The following TYW1 variants were observed in gnomAD, a reference collection of about 807,000 sequenced individuals.
The protein encoded by TYW1 is S-adenosyl-L-methionine-dependent tRNA 4-demethylwyosine synthase TYW1.
TYW1 carries 46 observed loss-of-function variants against 96.2 expected under a neutral mutation model. That is an observed-to-expected ratio of 0.48 (90% CI 0.38 to 0.61). The LOEUF (loss-of-function observed/expected upper bound fraction) is 0.61. Among genes scored for constraint, TYW1 ranks in the 20% least tolerant of loss-of-function variants. The pLI, the probability that TYW1 is intolerant of heterozygous loss-of-function variation, is 0.00. For missense variants in TYW1, 684 were observed against 909.6 expected, an observed-to-expected ratio of 0.75 and a Z score of 3.19; for synonymous variants, 274 against 323.0, an observed-to-expected ratio of 0.85 and a Z score of 1.63.
intron 15 of TYW1, among the ~76,000 whole-genome samples, chr7:67,211,732 T>C: frequency 6.6e-6 from 1 of 152,214 alleles, no homozygotes. Flanking sequence ...AGCCATCCAT[T>C]TACTTCACTA....
intron 7 of TYW1, among the ~76,000 whole-genome samples, chr7:67,041,142 A>C (rs974071018): frequency 1.3e-5 from 2 of 152,198 alleles, no homozygotes; most frequent in African/African-American, 4.8e-5. Context: ...TTGGTATGAC[A>C]CAAAATAAGC....
chr7:67,120,517 T>C (rs11760968), intron 13 of TYW1, among the ~76,000 whole-genome samples: 42,028 of 152,134 alleles, frequency 0.28, 6,640 homozygotes, highest in African/African-American at 0.43. Flanking sequence ...AAATCCATGC[T>C]TTCTTTGGTT....
intron 10 of TYW1, among the ~76,000 whole-genome samples, chr7:67,068,407 C>T (rs540750374): frequency 1.3e-5 from 2 of 152,310 alleles, no homozygotes; most frequent in East Asian, 3.9e-4. Context: ...CATAGCAGCT[C>T]ATGTTGTTGT....
intron 13 of TYW1, among the ~76,000 whole-genome samples, chr7:67,158,440 C>T (rs1236581096): frequency 3.9e-5 from 6 of 151,944 alleles, no homozygotes; most frequent in Non-Finnish European, 8.8e-5. Context: ...TGCTTTTCAT[C>T]GTCAATTGAT....
At chr7:67,087,377 G>C (rs1213516087) in intron 11 of TYW1, among the ~76,000 whole-genome samples, 1 of 152,102 alleles carries the variant, frequency 6.6e-6, no homozygotes, top group East Asian at 1.9e-4. Context: ...GAAAACAAAA[G>C]AGTTTTAAAA....
In TYW1 at chr7:67,050,051, G is replaced by T; in HGVS notation, c.1087G>T (p.Ala363Ser). ...TATGATAACTCCTGCTCTCCGAGAA[G>T]CCCTTACTAAACAAGGTGAAAATCT... ...RAMITPALRE[A>S]LTKQGYQLIG... is the part of the protein sequence containing the mutation. The change falls in exon 8 of 16, where the codon GCC (alanine) becomes TCC (serine). Residue 363 changes from alanine to serine, a missense_variant. Ala to Ser is a moderately conservative substitution (Grantham distance 99). Transcript: ENST00000359626. 6.2e-7 allele frequency: 1 copy of T among 1,613,438 alleles called. No homozygotes were observed.
intron 13 of TYW1, among the ~76,000 whole-genome samples, chr7:67,148,955 A>T (rs1798701294): frequency 6.6e-6 from 1 of 152,212 alleles, no homozygotes; most frequent in South Asian, 2.1e-4. Context: ...ATTTAAAATG[A>T]TTGTGACCCA....
chr7:67,050,554 A>C lies in TYW1; in HGVS notation c.1102+488A>C, dbSNP rs548539850. Among the ~76,000 whole-genome samples the C allele has an allele frequency of 1.1e-4, 17 of 152,228 alleles. No homozygotes were observed. In the South Asian group the frequency reaches 3.1e-3, roughly 28 times the overall value. ...CCCTCCCCACTTCCCCTCTATATTT[A>C]TGAGAGGCCTTTTATGTGACCGTTC... On this transcript the variant is annotated intron_variant, in intron 8 of 15. Coordinates refer to ENST00000359626, the MANE Select transcript of TYW1 (RefSeq NM_018264.4).
At position 67,089,324 on chromosome 7, in the gene TYW1, G is replaced by A. The variant is rs578004556; in HGVS notation, c.1384+5785G>A. Reference sequence around the variant, plus strand: ...CCCAGGCTCCTCTGCCTTTTGGGAGGGCCCTTCTCGAGGTGGCGGCCCTGT... The same window carrying A: ...CCCAGGCTCCTCTGCCTTTTGGGAGAGCCCTTCTCGAGGTGGCGGCCCTGT... On this transcript the variant is annotated intron_variant, in intron 11 of 15. Coordinates refer to ENST00000359626, the MANE Select transcript of TYW1 (RefSeq NM_018264.4). The A allele has an allele frequency of 5.4e-6, 7 of 1,307,876 alleles. No individual in the cohort carries two copies. The African/African-American group carries it at 1.0e-4, about 19-fold the overall frequency. 81.0% of individuals were successfully genotyped at this position (1,307,876 alleles called of 1,614,324 possible).
intron 4 of TYW1, among the ~76,000 whole-genome samples, chr7:67,012,819 G>A (rs1331231130): frequency 6.6e-6 from 1 of 151,710 alleles, no homozygotes; most frequent in East Asian, 1.9e-4. Flanking sequence ...TGTGTAAGGT[G>A]TATATGAAAC....
At chr7:67,071,086 G>A (rs1268944113) in intron 10 of TYW1, among the ~76,000 whole-genome samples, 13 of 151,610 alleles carry the variant, frequency 8.6e-5, no homozygotes, top group Admixed American at 5.3e-4. Context: ...AGCCTAGATC[G>A]CGCCACTGCA....
intron 13 of TYW1, among the ~76,000 whole-genome samples, chr7:67,133,960 A>G (rs1798166745): frequency 6.6e-6 from 1 of 151,808 alleles, no homozygotes; most frequent in South Asian, 2.1e-4. Context: ...TCCTGTGGAA[A>G]ATAATATCCC....
At chr7:67,213,214 C>A (rs1801096689) in intron 15 of TYW1, among the ~76,000 whole-genome samples, 2 of 151,902 alleles carry the variant, frequency 1.3e-5, no homozygotes, top group Non-Finnish European at 2.9e-5. Flanking sequence ...GTCGCCCAGG[C>A]TGGAGTGCCA....
intron 3 of TYW1, 62 bp from the exon 4 acceptor site, chr7:67,009,521 G>A: frequency 7.0e-7 from 1 of 1,433,978 alleles, no homozygotes; most frequent in African/African-American, 1.4e-5. Context: ...GCCAACAGGG[G>A]TAATGAGGGT....
intron 15 of TYW1, among the ~76,000 whole-genome samples, chr7:67,221,690 T>G (rs1406739085): frequency 5.9e-5 from 9 of 152,318 alleles, no homozygotes; most frequent in Non-Finnish European, 1.3e-4. Flanking sequence ...GACATCGCAT[T>G]TAACATTCTA....
intron 13 of TYW1, among the ~76,000 whole-genome samples, chr7:67,119,961 ATT>A (rs61417897): frequency 3.3e-5 from 5 of 149,282 alleles, no homozygotes; most frequent in South Asian, 2.1e-4. Flanking sequence ...TAATTTTTTG[ATT>A]TTTTTTTTTG....
chr7:67,191,935 G>A (rs1488334509), intron 14 of TYW1, among the ~76,000 whole-genome samples: 1 of 150,980 alleles, frequency 6.6e-6, no homozygotes, highest in African/African-American at 2.4e-5. Flanking sequence ...TTGCTCTGTT[G>A]CCCAGGCTGG....
intron 11 of TYW1, chr7:67,089,494 T>A: frequency 1.1e-6 from 1 of 951,970 alleles, no homozygotes; most frequent in Non-Finnish European, 1.7e-6. Context: ...TTTACCTCAC[T>A]CTGGCTTGGA....
At chr7:67,186,030 G>C (rs1260991019) in intron 14 of TYW1, among the ~76,000 whole-genome samples, 1 of 143,652 alleles carries the variant, frequency 7.0e-6, no homozygotes, top group Non-Finnish European at 1.5e-5. Flanking sequence ...TCTTGAAATT[G>C]CACTTAATTT....
Sources: gnomAD v4.1 joint callset for allele counts (sites outside exome capture counted in the v4.1 genomes callset) on GRCh38, gnomAD v4.1.1 for gene constraint, MANE v1.5 for transcripts, NCBI Gene and HGNC (gene_info 2026-07-23, HGNC 2026-07-21) for gene names.